The following MREG variants were observed in gnomAD, a reference collection of about 807,000 sequenced individuals.
MREG encodes melanoregulin.
Under a neutral mutation model 28.5 loss-of-function variants are expected in MREG, and 31 were observed. The ratio of observed to expected loss-of-function variants is 1.09; its 90% CI spans 0.82 to 1.47. The LOEUF is 1.47. MREG is among the 40% of genes most tolerant of loss of function. The pLI, the probability that MREG is intolerant of heterozygous loss-of-function variation, is 0.00. For synonymous variants in MREG, 106 were observed against 95.2 expected (o/e 1.11, Z -0.66); for missense variants, 256 against 257.4 (o/e 0.99, Z 0.04).
At chr2:216,012,932 T>G (rs1694350989) in intron 1 of MREG, among the ~76,000 whole-genome samples, 1 of 152,294 alleles carries the variant, frequency 6.6e-6, no homozygotes, top group African/African-American at 2.4e-5. Context: ...CTATGGAAAC[T>G]TCTGATCAAC....
chr2:215,974,825 GACACACACAC>G (rs71982102), intron 2 of MREG, among the ~76,000 whole-genome samples: 6 of 126,650 alleles, frequency 4.7e-5, no homozygotes, highest in African/African-American at 1.8e-4. Flanking sequence ...CACACACACA[GACACACACAC>G]ACACACACAC....
chr2:216,012,958 C>T (rs1304544314), intron 1 of MREG, among the ~76,000 whole-genome samples: 1 of 152,194 alleles, frequency 6.6e-6, no homozygotes, highest in Non-Finnish European at 1.5e-5. Context: ...TCCCTTACTT[C>T]CCTGCCCAGG....
downstream of MREG, among the ~76,000 whole-genome samples, chr2:215,939,936 T>C (rs1245941732): frequency 2.6e-5 from 4 of 152,372 alleles, no homozygotes; most frequent in East Asian, 7.7e-4. Context: ...TAATGATCTA[T>C]AGGCCTAAGC....
chr2:215,991,231 A>C (rs1693712484), intron 2 of MREG, among the ~76,000 whole-genome samples: 1 of 152,222 alleles, frequency 6.6e-6, no homozygotes, highest in Admixed American at 6.5e-5. Context: ...CTCAGGATTA[A>C]GAAACTCACT....
chr2:215,996,459 GT>G lies in MREG; in HGVS notation c.101del (p.Asn34ThrfsTer12). The part of the protein sequence containing the change: ...LPEKEPLVSD[N>X]NPYSSFGATL... ...TTGCTCCAAATGAGGAATATGGATT[GT>G]TATCACTGTTGTATAAAAAAAGGAA... is the stretch of plus-strand genomic sequence containing the variant. On this transcript the variant is annotated frameshift_variant, in exon 2 of 5. Coordinates refer to ENST00000263268, the MANE Select transcript of MREG (RefSeq NM_018000.3). LOFTEE classifies it high-confidence loss of function. The G allele has an allele frequency of 6.2e-7, 1 of 1,607,634 alleles. No individual in the cohort carries two copies. The highest frequency in any genetic ancestry group is 8.5e-7 in the Non-Finnish European group (1 of 1,177,524).
intron 2 of MREG, among the ~76,000 whole-genome samples, chr2:215,989,143 G>A (rs1446496269): frequency 6.6e-6 from 1 of 152,186 alleles, no homozygotes; most frequent in Non-Finnish European, 1.5e-5. Context: ...ATACAGGAGA[G>A]CTCCTGCTGG....
At chr2:215,992,024 G>A (rs956359239) in intron 2 of MREG, among the ~76,000 whole-genome samples, 1 of 152,180 alleles carries the variant, frequency 6.6e-6, no homozygotes, top group Non-Finnish European at 1.5e-5. Flanking sequence ...GAAAAAGAGG[G>A]ACTCTGCCCT....
intron 2 of MREG, among the ~76,000 whole-genome samples, chr2:215,964,840 CAGATAGATAGATAGAT>C (rs71935773): frequency 1.1e-4 from 17 of 149,626 alleles, no homozygotes; most frequent in Non-Finnish European, 2.1e-4. Flanking sequence ...GACAGACAGA[CAGATAGATAGATAGAT>C]AGATAGATAG....
At position 215,996,424 on chromosome 2, in the gene MREG, C is replaced by G. The variant is rs780383036; in HGVS notation, c.137G>C (p.Arg46Thr). 6.2e-7 allele frequency: 1 copy of G among 1,613,636 alleles called. No individual in the cohort carries two copies. Among genetic ancestry groups the G allele is most frequent in the African/African-American group, 1.3e-5 (1 of 74,914 alleles). The change falls in exon 2 of 5, where the codon AGG (arginine) becomes ACG (threonine). Residue 46 changes from arginine to threonine, a missense_variant. Transcript: ENST00000263268. ...ACTCCATAAATTCTTCTCATCATCC[C>G]TCACCAGAGTTGCTCCAAATGAGGA... is the stretch of plus-strand genomic sequence containing the variant. ...PYSSFGATLV[R>T]DDEKNLWSMP...
intron 1 of MREG, 43 bp from the exon 2 acceptor site, chr2:215,996,508 A>C: frequency 7.0e-7 from 1 of 1,430,768 alleles, no homozygotes; most frequent in Non-Finnish European, 9.7e-7. Context: ...TATAATATAC[A>C]TAAAATGTTA....
At chr2:215,985,194 G>C (rs1289141349) in intron 2 of MREG, among the ~76,000 whole-genome samples, 1 of 152,180 alleles carries the variant, frequency 6.6e-6, no homozygotes, top group African/African-American at 2.4e-5. Context: ...TAGAGAATAA[G>C]TTCACTCAGT....
intron 2 of MREG, among the ~76,000 whole-genome samples, chr2:215,973,289 G>C (rs1289172684): frequency 5.3e-5 from 8 of 152,184 alleles, no homozygotes; most frequent in African/African-American, 1.4e-4. Context: ...AGAGATAACG[G>C]CTCAAGAGCA....
At chr2:215,988,976 C>T (rs1693653253) in intron 2 of MREG, among the ~76,000 whole-genome samples, 1 of 152,218 alleles carries the variant, frequency 6.6e-6, no homozygotes, top group Non-Finnish European at 1.5e-5. Flanking sequence ...CTTCAGCAGA[C>T]TTAAATGTTC....
At position 215,943,455 on chromosome 2, in the gene MREG, C is replaced by A. The variant is rs1238241318; in HGVS notation, c.*1408G>T. 4.4e-6 allele frequency: 2 copies of A among 456,620 alleles called. No homozygotes were observed. Among genetic ancestry groups the A allele is most frequent in the African/African-American group, 4.0e-5 (2 of 50,082 alleles). The allele number at this position is 456,620 out of a possible 1,614,324, so 28.3% of individuals were successfully genotyped here. The stretch of plus-strand genomic sequence containing the variant: ...TGCATGAGAGGTCCCCCCACAGGTG[C>A]AGCTGCCAGCCAACGAATCAGAAAC... On this transcript the variant is annotated 3_prime_UTR_variant, in exon 5 of 5. Coordinates refer to ENST00000263268, the MANE Select transcript of MREG (RefSeq NM_018000.3).
chr2:216,029,924 A>G (rs1694654295), intron 1 of MREG, among the ~76,000 whole-genome samples: 1 of 152,194 alleles, frequency 6.6e-6, no homozygotes, highest in Non-Finnish European at 1.5e-5. Flanking sequence ...GCTGAGTCGT[A>G]TCTCTTATGG....
At chr2:215,989,675 A>T (rs1173829274) in intron 2 of MREG, among the ~76,000 whole-genome samples, 1 of 152,090 alleles carries the variant, frequency 6.6e-6, no homozygotes, top group Non-Finnish European at 1.5e-5. Flanking sequence ...TGCTAACTAC[A>T]GTAACCAGTT....
chr2:216,006,025 G>A (rs1459082781), intron 1 of MREG, among the ~76,000 whole-genome samples: 2 of 152,086 alleles, frequency 1.3e-5, no homozygotes, highest in African/African-American at 2.4e-5. Context: ...ATGACTTCAG[G>A]TGCTAACAGA....
chr2:215,946,456 G>GACT (rs1692321933), intron 3 of MREG, among the ~76,000 whole-genome samples: 1 of 3,016 alleles, frequency 3.3e-4, no homozygotes, highest in Non-Finnish European at 5.2e-4. Flanking sequence ...ATTGAAGCAG[G>GACT]ATTATATAAT....
At chr2:216,017,668 C>G (rs1270859717), upstream of MREG, among the ~76,000 whole-genome samples, 1 of 152,178 alleles carries the variant, frequency 6.6e-6, no homozygotes, top group Non-Finnish European at 1.5e-5. Flanking sequence ...ACAGACCCAT[C>G]AGCTGCTTGT....
Sources: gnomAD v4.1 joint callset for allele counts (sites outside exome capture counted in the v4.1 genomes callset) on GRCh38, gnomAD v4.1.1 for gene constraint, MANE v1.5 for transcripts, NCBI Gene and HGNC (gene_info 2026-07-23, HGNC 2026-07-21) for gene names.